The following ESRRB variants were observed in gnomAD, a reference collection of about 807,000 sequenced individuals.
ESRRB encodes the protein estrogen related receptor beta.
Under a neutral mutation model 46.0 loss-of-function variants are expected in ESRRB, and 16 were observed. The observed-to-expected ratio is 0.35, with a 90% CI of 0.24 to 0.53. The LOEUF is 0.53. Ranked by LOEUF, ESRRB falls within the 20% of genes least tolerant of loss-of-function variation. The pLI, the probability that ESRRB is intolerant of heterozygous loss-of-function variation, is 0.93. For missense variants in ESRRB, 488 were observed against 607.4 expected, an observed-to-expected ratio of 0.80 and a Z score of 2.07; for synonymous variants, 246 against 259.6, an observed-to-expected ratio of 0.95 and a Z score of 0.50.
In ESRRB at chr14:76,347,717, G is replaced by C. The variant is rs779970111; in HGVS notation, c.2+36801G>C. ...GGAGCCTGGACTCCAATCCAGTTCT[G>C]CCTGACCCCAAGGTCCAGAGCATCT... On this transcript the variant is annotated intron_variant, in intron 1 of 6. Coordinates refer to the ESRRB transcript ENST00000512784. 7.0e-5 allele frequency among the ~76,000 whole-genome samples: 7 copies of C among 99,410 alleles called. 3 individuals are homozygous for C. Among genetic ancestry groups the C allele is most frequent in the Non-Finnish European group, 8.6e-5 (4 of 46,518 alleles). The allele number at this position is 99,410 out of a possible 152,430, so 65.2% of individuals were successfully genotyped here. A position where few individuals can be genotyped will look rare whatever the true frequency, so the allele number is the denominator to read the frequency against.
chr14:76,496,853 C>T lies in ESRRB; in HGVS notation c.1121-1361C>T, dbSNP rs543651324. On this transcript the variant is annotated intron_variant, in intron 6 of 6. Coordinates refer to ENST00000644823, the MANE Select transcript of ESRRB (RefSeq NM_001379180.1). The stretch of plus-strand genomic sequence containing the variant: ...CCATGGCCCCCTGGGAGCCTGCTGG[C>T]TGCGGTTTACCCCACATCCCAGCCA... Among the ~76,000 whole-genome samples, 8 of 152,314 alleles carry T rather than the reference C, an allele frequency of 5.3e-5. No homozygotes were observed. The East Asian group carries it at 1.5e-3, about 29-fold the overall frequency.
chr14:76,374,751 A>T (rs776766331), upstream of ESRRB, among the ~76,000 whole-genome samples: 15 of 152,150 alleles, frequency 9.9e-5, no homozygotes, highest in Non-Finnish European at 2.1e-4. Flanking sequence ...GGGGCTACTG[A>T]CAGAGGAGAC....
intron 6 of ESRRB, among the ~76,000 whole-genome samples, chr14:76,494,463 C>A (rs1453259416): frequency 6.6e-6 from 1 of 152,000 alleles, no homozygotes; most frequent in African/African-American, 2.4e-5. Context: ...CCTGCCACCA[C>A]GCCCGGCTAA....
upstream of ESRRB, among the ~76,000 whole-genome samples, chr14:76,368,969 G>T (rs551578638): frequency 1.3e-5 from 2 of 152,028 alleles, no homozygotes; most frequent in African/African-American, 4.8e-5. Context: ...GGCCGAGGTG[G>T]GTGGATCACC....
intron 1 of ESRRB, among the ~76,000 whole-genome samples, 196 bp from the exon 2 acceptor site, chr14:76,439,145 C>T (rs571298356): frequency 6.6e-6 from 1 of 152,204 alleles, no homozygotes; most frequent in Admixed American, 6.5e-5. Flanking sequence ...TTGAGGCCTC[C>T]GAAGGTTTTG....
At chr14:76,489,479 A>C (rs909576436) in intron 5 of ESRRB, among the ~76,000 whole-genome samples, 19 of 150,016 alleles carry the variant, frequency 1.3e-4, no homozygotes, top group African/African-American at 3.9e-4. Flanking sequence ...ACACACACAC[A>C]CCCTGATCCC....
chr14:76,358,773 T>C (rs1324549435), intron 1 of ESRRB, among the ~76,000 whole-genome samples: 1 of 152,238 alleles, frequency 6.6e-6, no homozygotes, highest in African/African-American at 2.4e-5. Context: ...AAAGCCCTGT[T>C]TTCTGAGATT....
chr14:76,437,075 G>A (rs1179063712), intron 1 of ESRRB, among the ~76,000 whole-genome samples: 7 of 151,918 alleles, frequency 4.6e-5, no homozygotes, highest in Admixed American at 6.6e-5. Flanking sequence ...TCTGTCTCCC[G>A]GGCTAGAGTG....
At chr14:76,332,906 CTTATATATT>C (rs1884053785) in intron 1 of ESRRB, among the ~76,000 whole-genome samples, 3 of 5,766 alleles carry the variant, frequency 5.2e-4, no homozygotes, top group African/African-American at 1.1e-3. Context: ...ATATTATATA[CTTATATATT>C]ATATATATTT....
At chr14:76,423,142 CTTT>C (rs397853103) in intron 1 of ESRRB, among the ~76,000 whole-genome samples, 3 of 112,786 alleles carry the variant, frequency 2.7e-5, no homozygotes, top group Non-Finnish European at 3.5e-5. Context: ...CTTTCATAAC[CTTT>C]TTTTTTTTTT....
At chr14:76,348,244 A>T (rs543052748) in intron 1 of ESRRB, among the ~76,000 whole-genome samples, 1 of 152,266 alleles carries the variant, frequency 6.6e-6, no homozygotes, top group African/African-American at 2.4e-5. Flanking sequence ...CACAAAGGAA[A>T]CACTGATAAC....
intron 2 of ESRRB, among the ~76,000 whole-genome samples, chr14:76,459,191 G>A (rs1202920715): frequency 6.6e-6 from 1 of 152,106 alleles, no homozygotes; most frequent in Admixed American, 6.5e-5. Flanking sequence ...CGGGGTTGCT[G>A]GGAACATGAA....
chr14:76,393,967 A>T (rs368580683), intron 1 of ESRRB, among the ~76,000 whole-genome samples: 4 of 126,984 alleles, frequency 3.1e-5, no homozygotes, highest in African/African-American at 6.1e-5. Context: ...TGCCTGGCTA[A>T]TTTTTTTTTT....
At chr14:76,314,670 C>G (rs1029281982) in intron 1 of ESRRB, among the ~76,000 whole-genome samples, 1 of 152,190 alleles carries the variant, frequency 6.6e-6, no homozygotes, top group Non-Finnish European at 1.5e-5. Context: ...GCCTGGCTCA[C>G]TGTTCCCAGG....
intron 1 of ESRRB, among the ~76,000 whole-genome samples, chr14:76,335,639 A>T (rs1217439834): frequency 6.6e-6 from 1 of 152,158 alleles, no homozygotes; most frequent in Admixed American, 6.5e-5. Flanking sequence ...TCTTGTACAC[A>T]GTGGGTGCTC....
intron 1 of ESRRB, among the ~76,000 whole-genome samples, chr14:76,420,494 T>C (rs953430442): frequency 1.1e-4 from 17 of 152,042 alleles, no homozygotes; most frequent in African/African-American, 4.1e-4. Context: ...CCGACATTAA[T>C]GGGAGAGTTG....
chr14:76,442,744 G>A (rs1887970496), intron 2 of ESRRB, among the ~76,000 whole-genome samples: 1 of 150,554 alleles, frequency 6.6e-6, no homozygotes, highest in Non-Finnish European at 1.5e-5. Flanking sequence ...AACAATAATT[G>A]TTTTGATCTA....
intron 1 of ESRRB, among the ~76,000 whole-genome samples, chr14:76,333,783 G>T (rs1227053468): frequency 6.6e-6 from 1 of 151,918 alleles, no homozygotes; most frequent in Non-Finnish European, 1.5e-5. Context: ...CTAAGTGTTT[G>T]AAGTCTGGTA....
intron 2 of ESRRB, among the ~76,000 whole-genome samples, chr14:76,461,900 C>A (rs1163601834): frequency 6.6e-6 from 1 of 152,186 alleles, no homozygotes; most frequent in African/African-American, 2.4e-5. Flanking sequence ...CATAAAATGA[C>A]CCCCTCGCAT....
Sources: allele counts gnomAD v4.1 joint callset (sites outside exome capture counted in the v4.1 genomes callset), GRCh38; gene constraint gnomAD v4.1.1; transcripts MANE v1.5; gene names NCBI Gene and HGNC (gene_info 2026-07-23, HGNC 2026-07-21).